The following RNF34 variants were observed in gnomAD, a reference collection of about 807,000 sequenced individuals.
RNF34 encodes E3 ubiquitin-protein ligase RNF34.
A neutral mutation model predicts 37.9 loss-of-function variants in RNF34; 12 were observed. That is an observed-to-expected ratio of 0.32 (90% CI 0.20 to 0.51). The LOEUF (loss-of-function observed/expected upper bound fraction) is 0.51, where lower values mean the gene tolerates loss of function less well. Among genes scored for constraint, RNF34 ranks in the 20% least tolerant of loss-of-function variants. RNF34 has a pLI of 0.97. For missense variants in RNF34, 362 were observed against 472.7 expected (o/e 0.77, Z 2.17); for synonymous variants, 155 against 177.2 (o/e 0.87, Z 1.00).
At position 121,420,333 on chromosome 12, in the gene RNF34, G is replaced by A. The variant is rs782676250; in HGVS notation, c.725G>A (p.Arg242Gln). ...GATGAAGAAGAAAACGCAGAGGATC[G>A]GGTGAGGCCACCTATAAAATTTGGT... The part of the protein sequence containing the change: ...DDDEEENAED[R>Q]NPGLSKERVR... Residue 242 changes from arginine to glutamine, a missense_variant and splice_region_variant, in exon 4 of 6, where the codon CGG (arginine) becomes CAG (glutamine). Transcript: ENST00000361234. 5.1e-6 allele frequency: 8 copies of A among 1,560,896 alleles called. No individual in the cohort carries two copies. The highest frequency in any genetic ancestry group is 1.7e-4 in the Middle Eastern group (1 of 6,022).
chr12:121,415,210 A>G (rs527338372), intron 1 of RNF34: 1 of 220,668 alleles, frequency 4.5e-6, no homozygotes, highest in South Asian at 5.0e-5. Context: ...AAATCTAGAG[A>G]GAGTTTCAGT....
intron 1 of RNF34, among the ~76,000 whole-genome samples, chr12:121,411,185 C>T (rs1009431525): frequency 6.6e-6 from 1 of 152,154 alleles, no homozygotes; most frequent in Non-Finnish European, 1.5e-5. Context: ...ACCTTGGCCA[C>T]CTAAAGTGCT....
At chr12:121,413,302 C>G (rs1555281615) in intron 1 of RNF34, among the ~76,000 whole-genome samples, 1 of 152,208 alleles carries the variant, frequency 6.6e-6, no homozygotes, top group Non-Finnish European at 1.5e-5. Context: ...GCTGGGATTA[C>G]AGGCATAAGC....
intron 5 of RNF34, among the ~76,000 whole-genome samples, chr12:121,421,720 T>C (rs1014517316): frequency 3.3e-5 from 5 of 152,226 alleles, no homozygotes; most frequent in African/African-American, 1.2e-4. Flanking sequence ...TTAATATTTT[T>C]AAATTGAGAC....
chr12:121,402,893 T>A lies in RNF34; in HGVS notation c.6+2675T>A, dbSNP rs576972624. 4.2e-4 allele frequency: 429 copies of A among 1,032,590 alleles called. 3 individuals are homozygous for A. The South Asian group carries it at 5.2e-3, about 13-fold the overall frequency. The allele number at this position is 1,032,590 out of a possible 1,614,324, so 64.0% of individuals were successfully genotyped here. A position where few individuals can be genotyped will look rare whatever the true frequency, so the allele number is the denominator to read the frequency against. ...GTCTAAAAGTATTACATTTTAGAGT[T>A]CATCATCTGTTTTTGCAACCTGCTT... On this transcript the variant is annotated intron_variant, in intron 1 of 5. Transcript: ENST00000361234.
intron 1 of RNF34, among the ~76,000 whole-genome samples, chr12:121,403,817 C>T (rs1273299020): frequency 1.3e-5 from 2 of 151,930 alleles, no homozygotes; most frequent in East Asian, 3.9e-4. Context: ...GCAAGGTAGA[C>T]GCTTATGAGA....
At chr12:121,411,503 T>G (rs58583717) in intron 1 of RNF34, among the ~76,000 whole-genome samples, 1 of 152,134 alleles carries the variant, frequency 6.6e-6, no homozygotes, top group African/African-American at 2.4e-5. Flanking sequence ...AAAATTGTAT[T>G]CTTCCCTAAT....
intron 1 of RNF34, among the ~76,000 whole-genome samples, chr12:121,411,649 T>C (rs1871075682): frequency 6.6e-6 from 1 of 152,208 alleles, no homozygotes; most frequent in Non-Finnish European, 1.5e-5. Flanking sequence ...ATGTAAAATT[T>C]TATAATGTTA....
intron 1 of RNF34, among the ~76,000 whole-genome samples, chr12:121,413,381 T>C (rs1352599908): frequency 1.3e-5 from 2 of 151,598 alleles, no homozygotes; most frequent in African/African-American, 4.9e-5. Flanking sequence ...TATATAATCA[T>C]TTAAAGGTAT....
intron 1 of RNF34, among the ~76,000 whole-genome samples, chr12:121,405,619 G>A (rs1169264197): frequency 1.3e-5 from 2 of 151,752 alleles, no homozygotes; most frequent in African/African-American, 2.4e-5. Context: ...GAGTAGCTAG[G>A]ATTACAGGCA....
Position 121,413,498 on chromosome 12 carries a change from G to A in RNF34, c.7-2661G>A, listed in dbSNP as rs960180419. On this transcript the variant is annotated intron_variant, in intron 1 of 5. Coordinates refer to ENST00000361234, the MANE Select transcript of RNF34 (RefSeq NM_025126.4). The stretch of plus-strand genomic sequence containing the variant: ...ACAATCTTGGTTCACTGCACCCTCC[G>A]CCTCCTGGGTTCAAGCGATTCTCCT... Among the ~76,000 whole-genome samples, 7 of 142,568 alleles carry A rather than the reference G, an allele frequency of 4.9e-5. No individual in the cohort carries two copies. The East Asian group carries it at 1.3e-3, about 26-fold the overall frequency. The allele number at this position is 142,568 out of a possible 152,430, so 93.5% of individuals were successfully genotyped here.
chr12:121,411,305 A>G (rs1871034743), intron 1 of RNF34, among the ~76,000 whole-genome samples: 1 of 152,138 alleles, frequency 6.6e-6, no homozygotes, highest in African/African-American at 2.4e-5. Flanking sequence ...ACAAAGAGGA[A>G]ATTCCCTTCC....
chr12:121,415,849 T>TA, intron 1 of RNF34, among the ~76,000 whole-genome samples: 1 of 150,110 alleles, frequency 6.7e-6, no homozygotes, highest in East Asian at 1.9e-4. Flanking sequence ...TCTTTTTTTT[T>TA]TTTTTTTTTT....
Position 121,407,268 on chromosome 12 carries a change from C to T in RNF34, c.6+7050C>T, listed in dbSNP as rs964100717. Among the ~76,000 whole-genome samples, 32 of 152,182 alleles carry T rather than the reference C, an allele frequency of 2.1e-4. 1 individual carries two copies. Among genetic ancestry groups the T allele is most frequent in the African/African-American group, 7.7e-4 (32 of 41,438 alleles). On this transcript the variant is annotated intron_variant, in intron 1 of 5. Coordinates refer to ENST00000361234, the MANE Select transcript of RNF34 (RefSeq NM_025126.4). Reference sequence around the variant, plus strand: ...GACTTTTCAGAGATCTGGCTTTGGGCTTTATTCACGGAGGAGTAACTGTAG... The same window carrying T: ...GACTTTTCAGAGATCTGGCTTTGGGTTTTATTCACGGAGGAGTAACTGTAG...
chr12:121,403,094 T>C (rs1167792596), intron 1 of RNF34, among the ~76,000 whole-genome samples: 3 of 152,136 alleles, frequency 2.0e-5, no homozygotes, highest in Admixed American at 6.6e-5. Flanking sequence ...GTTTCTCAAA[T>C]GGCTCTAAAT....
chr12:121,410,135 CA>C (rs1870911072), intron 1 of RNF34, among the ~76,000 whole-genome samples: 2 of 150,178 alleles, frequency 1.3e-5, no homozygotes, highest in South Asian at 4.2e-4. Context: ...ACCTGGGCAA[CA>C]AGAGCGAAAC....
chr12:121,423,892 T>C lies in RNF34; in HGVS notation c.*316T>C. The C allele has an allele frequency of 7.5e-6, 2 of 267,380 alleles. No homozygotes were observed. Among genetic ancestry groups the C allele is most frequent in the Non-Finnish European group, 1.4e-5 (2 of 140,062 alleles). 16.6% of individuals were successfully genotyped at this position (267,380 alleles called of 1,614,324 possible). ...TGTCTTGGGAGGACACTTATCCTGT[T>C]CTCTTATTTCCCCTTCATCCTATTT... On this transcript the variant is annotated 3_prime_UTR_variant, in exon 6 of 6. Coordinates refer to ENST00000361234, the MANE Select transcript of RNF34 (RefSeq NM_025126.4). The surrounding 1 kb of genome is among the most constrained non-coding windows in gnomAD (Gnocchi z 4.3).
Position 121,405,673 on chromosome 12 carries a change from G to A in RNF34, c.6+5455G>A, listed in dbSNP as rs182812926. On this transcript the variant is annotated intron_variant, in intron 1 of 5. Coordinates refer to ENST00000361234, the MANE Select transcript of RNF34 (RefSeq NM_025126.4). ...TAATTTTTGTATTTTTAGTAGAGAC[G>A]GGGTTTCACCATGTTGACCAGGCTG... Among the ~76,000 whole-genome samples the A allele has an allele frequency of 4.0e-4, 61 of 152,166 alleles. 1 individual carries two copies. In the East Asian group the frequency reaches 0.011, roughly 27 times the overall value.
In RNF34 at chr12:121,416,266, A is replaced by T. The variant is rs782191729; in HGVS notation, c.114A>T (p.Pro38=). 1.2e-6 allele frequency: 2 copies of T among 1,613,998 alleles called. No individual in the cohort carries two copies. Among genetic ancestry groups the T allele is most frequent in the African/African-American group, 2.7e-5 (2 of 74,900 alleles). The change falls in exon 2 of 6, where the codon CCA becomes CCT. Residue 38 remains proline (P), a synonymous_variant. Transcript: ENST00000361234. The part of the protein sequence containing the change: ...QQSAFAGATG[P]FRFTPNPEFS... ...CAGCATTTGCAGGAGCCACCGGTCC[A>T]TTCAGATTTACACCAAACCCTGAGT...
Sources: allele counts gnomAD v4.1 joint callset (sites outside exome capture counted in the v4.1 genomes callset), GRCh38; gene constraint gnomAD v4.1.1; non-coding constraint Gnocchi (gnomAD v3.1); transcripts MANE v1.5; gene names NCBI Gene and HGNC (gene_info 2026-07-23, HGNC 2026-07-21).